The following USP6NL variants were observed in gnomAD, a reference collection of about 807,000 sequenced individuals.
USP6NL encodes USP6 N-terminal-like protein.
USP6NL carries 26 observed loss-of-function variants against 61.9 expected under a neutral mutation model. The observed-to-expected ratio is 0.42, with a 90% CI of 0.31 to 0.58. The LOEUF is 0.58. Ranked by LOEUF, USP6NL falls within the 20% of genes least tolerant of loss-of-function variation. The pLI, the probability that USP6NL is intolerant of heterozygous loss-of-function variation, is 0.16. For missense variants in USP6NL, 1,114 were observed against 1,034.3 expected, an observed-to-expected ratio of 1.08 and a Z score of -1.06; for synonymous variants, 432 against 390.1, an observed-to-expected ratio of 1.11 and a Z score of -1.27.
chr10:11,483,700 A>T, intron 13 of USP6NL, among the ~76,000 whole-genome samples: 1 of 90,582 alleles, frequency 1.1e-5, no homozygotes, highest in Non-Finnish European at 2.2e-5. Context: ...GTGGGGAGGC[A>T]AAAGGCAGTG....
chr10:11,543,447 C>A (rs775417751), intron 2 of USP6NL, among the ~76,000 whole-genome samples: 9 of 151,836 alleles, frequency 5.9e-5, no homozygotes, highest in Non-Finnish European at 1.3e-4. Context: ...GAGGCTGAAG[C>A]AGGAGAATGG....
chr10:11,544,032 C>T (rs1423305063), intron 2 of USP6NL, among the ~76,000 whole-genome samples: 1 of 151,908 alleles, frequency 6.6e-6, no homozygotes, highest in Non-Finnish European at 1.5e-5. Flanking sequence ...AGGGTGGTCT[C>T]GATCTCCTGA....
At chr10:11,541,923 A>G (rs1313613814) in intron 2 of USP6NL, among the ~76,000 whole-genome samples, 4 of 152,234 alleles carry the variant, frequency 2.6e-5, no homozygotes, top group Non-Finnish European at 5.9e-5. Flanking sequence ...TACCTTTTCT[A>G]TAACATAGTA....
At position 11,568,174 on chromosome 10, in the gene USP6NL, T is replaced by C. The variant is rs200255039; in HGVS notation, c.4+29457A>G. 2.5e-3 allele frequency among the ~76,000 whole-genome samples: 340 copies of C among 135,232 alleles called. 1 individual carries two copies. Among genetic ancestry groups the C allele is most frequent in the East Asian group, 9.9e-3 (35 of 3,544 alleles). The allele number at this position is 135,232 out of a possible 152,430, so 88.7% of individuals were successfully genotyped here. A position where few individuals can be genotyped will look rare whatever the true frequency, so the allele number is the denominator to read the frequency against. On this transcript the variant is annotated intron_variant, in intron 2 of 14. Coordinates refer to ENST00000609104, the MANE Select transcript of USP6NL (RefSeq NM_014688.5). ...TTGTGTGTGTGTGTGTGTGTGTGTG[T>C]GCGCGCGCGCGTGCTTGTATGCAAA...
chr10:11,474,954 A>T lies in USP6NL; in HGVS notation c.1078+6816T>A, dbSNP rs1832905813. On this transcript the variant is annotated intron_variant, in intron 14 of 14. Transcript: ENST00000609104. This position sits in a 1 kb window ranked among gnomAD's most constrained non-coding sequence, Gnocchi z 4.9. ...CTCCCGTAAGCACTGAAGTACCCCGAAGGCTATGGCCATTTACCAAGACTA... is the reference window on the plus strand; with the variant it reads ...CTCCCGTAAGCACTGAAGTACCCCGTAGGCTATGGCCATTTACCAAGACTA... Among the ~76,000 whole-genome samples, 4 of 152,204 alleles carry T rather than the reference A, an allele frequency of 2.6e-5. No homozygotes were observed. Among genetic ancestry groups the T allele is most frequent in the Admixed American group, 2.6e-4 (4 of 15,284 alleles).
At chr10:11,480,573 C>A (rs989125035) in intron 14 of USP6NL, among the ~76,000 whole-genome samples, 5 of 152,280 alleles carry the variant, frequency 3.3e-5, no homozygotes, top group Non-Finnish European at 7.3e-5. Flanking sequence ...CACCCCATTA[C>A]TGCTGTGAGG....
At chr10:11,516,166 C>T (rs1325277669) in intron 5 of USP6NL, among the ~76,000 whole-genome samples, 1 of 152,064 alleles carries the variant, frequency 6.6e-6, no homozygotes, top group African/African-American at 2.4e-5. Flanking sequence ...TAGTAAACAC[C>T]AATACTAATC....
In USP6NL at chr10:11,602,127, A is replaced by AATAG. The variant is rs988317739; in HGVS notation, c.-83-4414_-83-4411dup. ...TTGACTACATTGTTAATTCACATTT[A>AATAG]ATAGATTCTCATGTACTCATTTAAA... is the stretch of plus-strand genomic sequence containing the variant. On this transcript the variant is annotated intron_variant, in intron 1 of 14. Coordinates refer to ENST00000609104, the MANE Select transcript of USP6NL (RefSeq NM_014688.5). This position sits in a 1 kb window ranked among gnomAD's most constrained non-coding sequence, Gnocchi z 4.8. 1.9e-4 allele frequency among the ~76,000 whole-genome samples: 29 copies of AATAG among 152,212 alleles called. No individual in the cohort carries two copies. Among genetic ancestry groups the AATAG allele is most frequent in the African/African-American group, 7.0e-4 (29 of 41,446 alleles).
intron 2 of USP6NL, among the ~76,000 whole-genome samples, chr10:11,572,205 T>C (rs1240787001): frequency 6.6e-6 from 1 of 152,058 alleles, no homozygotes; most frequent in African/African-American, 2.4e-5. Flanking sequence ...AAATCTGACA[T>C]TTTCAAACAG....
chr10:11,462,287 G>T lies in USP6NL; in HGVS notation c.*154C>A. 2.2e-6 allele frequency: 2 copies of T among 897,336 alleles called. No homozygotes were observed. The highest frequency in any genetic ancestry group is 3.3e-6 in the Non-Finnish European group (2 of 610,920). 55.6% of individuals were successfully genotyped at this position (897,336 alleles called of 1,614,324 possible). A position where few individuals can be genotyped will look rare whatever the true frequency, so the allele number is the denominator to read the frequency against. On this transcript the variant is annotated 3_prime_UTR_variant, in exon 15 of 15. Coordinates refer to ENST00000609104, the MANE Select transcript of USP6NL (RefSeq NM_014688.5). ...CTCATCTTAAGCAGCATCTACGTGG[G>T]GCTGAAGACATTTCCCTGTATTCTT... is the stretch of plus-strand genomic sequence containing the variant.
At chr10:11,527,712 G>A (rs1835476718) in intron 2 of USP6NL, 145 bp from the exon 3 acceptor site, 4 of 757,908 alleles carry the variant, frequency 5.3e-6, no homozygotes, top group Non-Finnish European at 2.1e-6. Context: ...GATGAGTTAA[G>A]TATTTGTAAC....
chr10:11,608,076 TAC>T (rs1410230059), intron 1 of USP6NL, among the ~76,000 whole-genome samples: 2 of 152,228 alleles, frequency 1.3e-5, no homozygotes, highest in African/African-American at 4.8e-5. Flanking sequence ...GGATTGCTAC[TAC>T]AGTTTTTTGA....
intron 14 of USP6NL, among the ~76,000 whole-genome samples, chr10:11,464,678 G>A (rs1447564946): frequency 1.3e-5 from 2 of 152,214 alleles, no homozygotes; most frequent in Non-Finnish European, 2.9e-5. Context: ...AGCAAGCAGC[G>A]CATAGCATAA....
rs569389535 is a variant in USP6NL, at chr10:11,583,857, G to A, written c.4+13774C>T. Among the ~76,000 whole-genome samples the A allele has an allele frequency of 4.7e-4, 72 of 152,146 alleles. No homozygotes were observed. In the South Asian group the frequency reaches 0.014, roughly 30 times the overall value. The stretch of plus-strand genomic sequence containing the variant: ...AGCCTGGCCAACGTGGCAAAACCCT[G>A]AAAACTACTAAAAATACAAAAATCA... On this transcript the variant is annotated intron_variant, in intron 2 of 14. Transcript: ENST00000609104.
At chr10:11,529,227 A>G (rs1395349571) in intron 2 of USP6NL, among the ~76,000 whole-genome samples, 1 of 152,232 alleles carries the variant, frequency 6.6e-6, no homozygotes, top group Non-Finnish European at 1.5e-5. Context: ...AAGTTTCAAA[A>G]TATCACTTTG....
At position 11,582,789 on chromosome 10, in the gene USP6NL, T is replaced by A. The variant is rs370658785; in HGVS notation, c.4+14842A>T. ...CTCAGTGGACACTATCATAAACACATACAAAGCTTCACAAACACGGGAAAT... is the reference window on the plus strand; with the variant it reads ...CTCAGTGGACACTATCATAAACACAAACAAAGCTTCACAAACACGGGAAAT... On this transcript the variant is annotated intron_variant, in intron 2 of 14. Transcript: ENST00000609104. 2.6e-4 allele frequency among the ~76,000 whole-genome samples: 39 copies of A among 152,142 alleles called. No individual in the cohort carries two copies. In the East Asian group the frequency reaches 6.4e-3, roughly 25 times the overall value.
At chr10:11,605,752 C>T (rs1452839869) in intron 1 of USP6NL, among the ~76,000 whole-genome samples, 3 of 151,968 alleles carry the variant, frequency 2.0e-5, no homozygotes, top group African/African-American at 7.3e-5. Context: ...GATTAAAACC[C>T]AGGGAAGAGT....
rs185498618 is a variant in USP6NL, at chr10:11,607,440, T to C, written c.-84+4003A>G. On this transcript the variant is annotated intron_variant, in intron 1 of 14. Transcript: ENST00000609104. ...GGCTCACAACTGCAATCCCAGCACTTTGGGAGGCTGAGGCAGGAGGATCAC... is the reference window on the plus strand; with the variant it reads ...GGCTCACAACTGCAATCCCAGCACTCTGGGAGGCTGAGGCAGGAGGATCAC... Among the ~76,000 whole-genome samples the C allele has an allele frequency of 3.2e-3, 494 of 152,284 alleles. 6 individuals carry two copies. Among genetic ancestry groups the C allele is most frequent in the African/African-American group, 0.012 (481 of 41,570 alleles).
In USP6NL at chr10:11,553,508, T is replaced by C. The variant is rs973193800; in HGVS notation, c.5-25941A>G. ...CTAAATAAAAGGCTGAAAATCAATG[T>C]TCCTTAATATATTATGGGAATATAT... On this transcript the variant is annotated intron_variant, in intron 2 of 14. Transcript: ENST00000609104. This position sits in a 1 kb window ranked among gnomAD's most constrained non-coding sequence, Gnocchi z 4.8. Among the ~76,000 whole-genome samples, 3 of 152,184 alleles carry C rather than the reference T, an allele frequency of 2.0e-5. No homozygotes were observed. The highest frequency in any genetic ancestry group is 2.4e-5 in the African/African-American group (1 of 41,440).
Sources: allele counts gnomAD v4.1 joint callset (sites outside exome capture counted in the v4.1 genomes callset), GRCh38; gene constraint gnomAD v4.1.1; non-coding constraint Gnocchi (gnomAD v3.1); transcripts MANE v1.5; gene names NCBI Gene and HGNC (gene_info 2026-07-23, HGNC 2026-07-21).